The following EIF2AK4 variants were observed in gnomAD, a reference collection of about 807,000 sequenced individuals.
EIF2AK4 encodes eukaryotic translation initiation factor 2 alpha kinase 4, also known as eIF-2-alpha kinase GCN2.
A neutral mutation model predicts 211.1 loss-of-function variants in EIF2AK4; 139 were observed. The observed-to-expected ratio is 0.66, with a 90% confidence interval of 0.57 to 0.76. The LOEUF is 0.76. Among genes scored for constraint, EIF2AK4 ranks in the 30% least tolerant of loss-of-function variants. The pLI, the probability that EIF2AK4 is intolerant of heterozygous loss-of-function variation, is 0.00. For missense variants in EIF2AK4, 1,664 were observed against 2,043.8 expected (o/e 0.81, Z 3.58); for synonymous variants, 710 against 751.3 (o/e 0.94, Z 0.90).
intron 27 of EIF2AK4, among the ~76,000 whole-genome samples, chr15:40,012,606 A>C (rs754013073): frequency 6.6e-6 from 1 of 152,214 alleles, no homozygotes; most frequent in Non-Finnish European, 1.5e-5. Context: ...CAATGATTCT[A>C]TACCCAAGTT....
intron 6 of EIF2AK4, among the ~76,000 whole-genome samples, chr15:39,957,919 A>G (rs1420722949): frequency 6.6e-6 from 1 of 152,218 alleles, no homozygotes; most frequent in African/African-American, 2.4e-5. Flanking sequence ...AAAGAGAGAA[A>G]AGAGAACCAC....
chr15:40,035,173 T>A lies in EIF2AK4; in HGVS notation c.*89T>A. The A allele has an allele frequency of 8.9e-7, 1 of 1,124,232 alleles. No homozygotes were observed. The highest frequency in any genetic ancestry group is 1.2e-6 in the Non-Finnish European group (1 of 820,742). The allele number at this position is 1,124,232 out of a possible 1,614,324, so 69.6% of individuals were successfully genotyped here. On this transcript the variant is annotated 3_prime_UTR_variant, in exon 39 of 39. Transcript: ENST00000263791. ...TTGTACATTCATCATAATTTAAAAT[T>A]AAATTCTAAGAAGAGGCTGGGTGCA...
chr15:39,952,441 A>G (rs937146720), intron 4 of EIF2AK4, among the ~76,000 whole-genome samples: 1 of 151,904 alleles, frequency 6.6e-6, no homozygotes, highest in Non-Finnish European at 1.5e-5. Context: ...GCACCTGCCT[A>G]ATTTTAAAAT....
chr15:40,019,056 C>T (rs755157942), intron 29 of EIF2AK4, 37 bp from the exon 30 acceptor site: 1 of 1,467,770 alleles, frequency 6.8e-7, no homozygotes, highest in African/African-American at 1.4e-5. Flanking sequence ...AGTTTCTTTC[C>T]TATTTCATAA....
chr15:39,944,840 A>G (rs2034205228), intron 3 of EIF2AK4, among the ~76,000 whole-genome samples: 1 of 152,212 alleles, frequency 6.6e-6, no homozygotes. Context: ...ATGGAAAGTA[A>G]CTGGACAGAT....
At chr15:39,949,307 C>A in intron 4 of EIF2AK4, 39 bp downstream of exon 4, 2 of 1,606,990 alleles carry the variant, frequency 1.2e-6, no homozygotes, top group South Asian at 2.2e-5. Context: ...CATGGCCAGC[C>A]TGGAGGATTG....
chr15:39,953,702 G>A (rs1302368285), intron 4 of EIF2AK4, among the ~76,000 whole-genome samples: 4 of 152,216 alleles, frequency 2.6e-5, no homozygotes, highest in African/African-American at 9.6e-5. Context: ...GCTCAAACCT[G>A]TTTAAATGGG....
At chr15:39,979,153 G>A (rs2034744548) in intron 13 of EIF2AK4, among the ~76,000 whole-genome samples, 1 of 152,184 alleles carries the variant, frequency 6.6e-6, no homozygotes, top group Non-Finnish European at 1.5e-5. Flanking sequence ...TTAGGTGGTG[G>A]GAGGAAGGGC....
intron 2 of EIF2AK4, among the ~76,000 whole-genome samples, chr15:39,942,943 T>C (rs535538393): frequency 1.5e-4 from 23 of 152,134 alleles, no homozygotes; most frequent in South Asian, 6.2e-4. Context: ...TTAATTCTCA[T>C]TGGCTGCAAG....
chr15:39,997,186 A>G, intron 19 of EIF2AK4, 121 bp downstream of exon 19: 1 of 713,954 alleles, frequency 1.4e-6, no homozygotes, highest in Non-Finnish European at 2.4e-6. Flanking sequence ...CCCTACTGTA[A>G]TTTTAATGAC....
rs201637571 is a variant in EIF2AK4 at position 39,967,529 on chromosome 15, G to T, written c.1203G>T (p.Gln401His). Residue 401 changes from glutamine to histidine, a missense_variant, in exon 9 of 39, where the codon CAG (glutamine) becomes CAT (histidine). Physicochemically the swap from Gln to His is conservative, Grantham distance 24 (BLOSUM62 0). Transcript: ENST00000263791. Reference sequence around the variant, plus strand: ...ACTCAGGCCCCATCCCTGTGCATCAGCTTCGCAGGTACACAGCTCAGCTCC... The same window carrying T: ...ACTCAGGCCCCATCCCTGTGCATCATCTTCGCAGGTACACAGCTCAGCTCC... ...LSHSGPIPVH[Q>H]LRRYTAQLLS... 1.9e-6 allele frequency: 3 copies of T among 1,613,954 alleles called. No individual in the cohort carries two copies. In the African/African-American group the frequency reaches 4.0e-5, roughly 22 times the overall value.
At chr15:40,014,308 G>T (rs563273359) in intron 27 of EIF2AK4, among the ~76,000 whole-genome samples, 2 of 152,384 alleles carry the variant, frequency 1.3e-5, no homozygotes, top group East Asian at 3.9e-4. Context: ...CCTAGCAGAG[G>T]TTCTCCATAA....
At chr15:39,935,899 A>C (rs1331543664) in intron 1 of EIF2AK4, among the ~76,000 whole-genome samples, 1 of 152,216 alleles carries the variant, frequency 6.6e-6, no homozygotes, top group South Asian at 2.1e-4. Context: ...AAAAATATAA[A>C]TTATTCCCCT....
intron 23 of EIF2AK4, among the ~76,000 whole-genome samples, chr15:40,006,209 A>G (rs1237564570): frequency 6.6e-6 from 1 of 152,186 alleles, no homozygotes; most frequent in Non-Finnish European, 1.5e-5. Context: ...TTCCTTCCAC[A>G]TTCCTCACTT....
intron 6 of EIF2AK4, 71 bp downstream of exon 6, chr15:39,955,839 T>A (rs762356523): frequency 6.8e-7 from 1 of 1,473,684 alleles, no homozygotes; most frequent in Non-Finnish European, 9.0e-7. Flanking sequence ...GAAGATGTAG[T>A]GAAATTTGAT....
At chr15:39,990,121 C>A in intron 15 of EIF2AK4, 152 bp from the exon 16 acceptor site, 1 of 672,910 alleles carries the variant, frequency 1.5e-6, no homozygotes, top group Non-Finnish European at 2.6e-6. Context: ...ACAGTCAGGA[C>A]ATATTGCAGA....
At chr15:39,961,600 G>C (rs1338851499) in intron 6 of EIF2AK4, among the ~76,000 whole-genome samples, 184 bp from the exon 7 acceptor site, 1 of 152,170 alleles carries the variant, frequency 6.6e-6, no homozygotes, top group Non-Finnish European at 1.5e-5. Context: ...TTTCCCATTA[G>C]CACCGCCTAC....
chr15:40,030,414 G>T lies in EIF2AK4; in HGVS notation c.4617G>T (p.Pro1539=). The change falls in exon 35 of 39, where the codon CCG becomes CCT. Residue 1539 remains proline, a synonymous_variant. Transcript: ENST00000263791. ...TTCCCATTGTGAGTGTGCTAGCCCC[G>T]GAGAAGCTGTCAGCCAGCACTAGGA... is the stretch of plus-strand genomic sequence containing the variant. ...TVVPIVSVLA[P]EKLSASTRRR... 1 of 1,614,064 alleles carries T rather than the reference G, an allele frequency of 6.2e-7. No individual in the cohort carries two copies.
chr15:40,004,036 A>G (rs1368208724), intron 23 of EIF2AK4, among the ~76,000 whole-genome samples: 1 of 152,224 alleles, frequency 6.6e-6, no homozygotes, highest in Non-Finnish European at 1.5e-5. Flanking sequence ...CCTCACCAAT[A>G]ATAAAGAAGT....
Sources: allele counts gnomAD v4.1 joint callset (sites outside exome capture counted in the v4.1 genomes callset), GRCh38; gene constraint gnomAD v4.1.1; transcripts MANE v1.5; gene names NCBI Gene and HGNC (gene_info 2026-07-23, HGNC 2026-07-21).